Variants in AMDHD1 observed in about 807,000 individuals in gnomAD.
AMDHD1 encodes the protein amidohydrolase domain containing 1.
AMDHD1 carries 45 observed loss-of-function variants against 44.1 expected under a neutral mutation model. The observed-to-expected ratio is 1.02, with a 90% CI of 0.80 to 1.31. The LOEUF (loss-of-function observed/expected upper bound fraction) is 1.31. Ranked by LOEUF, AMDHD1 falls within the 50% of genes most tolerant of loss-of-function variation. The probability of loss-of-function intolerance (pLI) is 0.00; values close to 1 mark genes in which losing one functional copy is unlikely to be tolerated. For synonymous variants in AMDHD1, 206 were observed against 205.0 expected (o/e 1.00, Z -0.04); for missense variants, 586 against 552.1 (o/e 1.06, Z -0.61).
At chr12:95,957,787 T>A (rs1395519750) in intron 4 of AMDHD1, among the ~76,000 whole-genome samples, 1 of 152,234 alleles carries the variant, frequency 6.6e-6, no homozygotes. Flanking sequence ...GCATAGTGGC[T>A]CACACCTGTA....
chr12:95,952,323 T>C lies in AMDHD1; in HGVS notation c.138-394T>C, dbSNP rs367756946. 1.6e-4 allele frequency among the ~76,000 whole-genome samples: 25 copies of C among 152,338 alleles called. No individual in the cohort carries two copies. In the East Asian group the frequency reaches 4.4e-3, roughly 27 times the overall value. On this transcript the variant is annotated intron_variant, in intron 1 of 8. Transcript: ENST00000266736. ...ATTGAAGAGACTGTCTTTTCCCCAATGTACGTTCTTGGCATCTTTGCTGAA... is the reference window on the plus strand; with the variant it reads ...ATTGAAGAGACTGTCTTTTCCCCAACGTACGTTCTTGGCATCTTTGCTGAA...
intron 6 of AMDHD1, 96 bp from the exon 7 acceptor site, chr12:95,965,590 G>T: frequency 1.5e-6 from 1 of 661,386 alleles, no homozygotes; most frequent in East Asian, 2.8e-5. Context: ...TCCAGAATAT[G>T]AAGGCGTTGA....
chr12:95,960,008 A>G (rs1345812774), intron 4 of AMDHD1, among the ~76,000 whole-genome samples: 1 of 152,044 alleles, frequency 6.6e-6, no homozygotes, highest in African/African-American at 2.4e-5. Context: ...GCTGGTCTCA[A>G]ACTCCTGACC....
rs1373182449 is a variant in AMDHD1, at chr12:95,965,728, A to G, written c.981A>G (p.Val327=). Residue 327 remains valine (V), a synonymous_variant, in exon 7 of 9, where the codon GTA becomes GTG. Transcript: ENST00000266736. ...CCAGGAAGATGTTAGATGAAGGAGT[A>G]ATAGTTGCTCTGGGAAGTGATTTCA... is the stretch of plus-strand genomic sequence containing the variant. ...PRARKMLDEG[V]IVALGSDFNP... The G allele has an allele frequency of 5.6e-6, 9 of 1,613,254 alleles. No homozygotes were observed. Among genetic ancestry groups the G allele is most frequent in the Non-Finnish European group, 7.6e-6 (9 of 1,179,778 alleles).
intron 1 of AMDHD1, among the ~76,000 whole-genome samples, chr12:95,945,326 A>G (rs1414973534): frequency 6.6e-6 from 1 of 152,110 alleles, no homozygotes; most frequent in Non-Finnish European, 1.5e-5. Flanking sequence ...AGTTTGTTGG[A>G]TTTATTACAA....
At chr12:95,955,020 G>T (rs780694725) in intron 3 of AMDHD1, 45 bp downstream of exon 3, 1 of 1,587,858 alleles carries the variant, frequency 6.3e-7, no homozygotes, top group South Asian at 1.1e-5. Flanking sequence ...GCACAAATAT[G>T]AAGTCTTTTG....
Position 95,965,761 on chromosome 12 carries a change from T to C in AMDHD1, c.1014T>C (p.Asn338=), listed in dbSNP as rs768685162. Residue 338 remains asparagine, a synonymous_variant, in exon 7 of 9, where the codon AAT becomes AAC. Transcript: ENST00000266736. ...IVALGSDFNP[N]AYCFSMPMVM... ...CTCTGGGAAGTGATTTCAACCCCAA[T>C]GCATATTGCTTTTCAATGGTAATTA... is the stretch of plus-strand genomic sequence containing the variant. 2.5e-6 allele frequency: 4 copies of C among 1,609,644 alleles called. No homozygotes were observed. Among genetic ancestry groups the C allele is most frequent in the Non-Finnish European group, 3.4e-6 (4 of 1,177,904 alleles).
In AMDHD1 at chr12:95,956,886, C is replaced by G; in HGVS notation, c.511C>G (p.Arg171Gly). 2.5e-6 allele frequency: 4 copies of G among 1,613,976 alleles called. No homozygotes were observed. The highest frequency in any genetic ancestry group is 3.4e-6 in the Non-Finnish European group (4 of 1,180,040). The change falls in exon 4 of 9, where the codon CGC becomes GGC. Residue 171 changes from arginine (R) to glycine (G), a missense_variant. By Grantham distance (125) the Arg-to-Gly change is moderately radical. Coordinates refer to ENST00000266736, the MANE Select transcript of AMDHD1 (RefSeq NM_152435.3). The part of the protein sequence containing the change: ...LDLETELKML[R>G]VIERARRELD... ...CCTGGAGACCGAGCTCAAGATGCTG[C>G]GCGTGATTGAGCGCGCCCGGCGGGA...
At chr12:95,944,222 A>T (rs1280017980) in intron 1 of AMDHD1, among the ~76,000 whole-genome samples, 1 of 152,202 alleles carries the variant, frequency 6.6e-6, no homozygotes, top group Non-Finnish European at 1.5e-5. Context: ...CCATGGGACC[A>T]CAATTGCACA....
In AMDHD1 at chr12:95,967,902, A is replaced by C. The variant is rs2080620412; in HGVS notation, c.*59A>C. The C allele has an allele frequency of 1.7e-6, 2 of 1,166,298 alleles. No homozygotes were observed. The highest frequency in any genetic ancestry group is 3.2e-5 in the African/African-American group (2 of 62,876). 72.2% of individuals were successfully genotyped at this position (1,166,298 alleles called of 1,614,324 possible). ...GAAATAAGTCAATATAGTTATATTA[A>C]AAGTTAAAACACCTTAATATTTACA... On this transcript the variant is annotated 3_prime_UTR_variant, in exon 9 of 9. Coordinates refer to ENST00000266736, the MANE Select transcript of AMDHD1 (RefSeq NM_152435.3).
In AMDHD1 at chr12:95,948,984, C is replaced by T. The variant is rs1165333066; in HGVS notation, c.138-3733C>T. On this transcript the variant is annotated intron_variant, in intron 1 of 8. Transcript: ENST00000266736. ...CCCTAATCTCAAGTAATCAGGGACA[C>T]AAACACTGCGGAAGGCCGCAGGGTC... Among the ~76,000 whole-genome samples the T allele has an allele frequency of 1.0e-4, 2 of 19,706 alleles. 1 individual carries two copies. The highest frequency in any genetic ancestry group is 1.6e-4 in the Non-Finnish European group (2 of 12,326). The allele number at this position is 19,706 out of a possible 152,430, so 12.9% of individuals were successfully genotyped here.
At chr12:95,956,097 T>TGTTTC (rs2080547937) in intron 3 of AMDHD1, among the ~76,000 whole-genome samples, 1 of 151,572 alleles carries the variant, frequency 6.6e-6, no homozygotes, top group Admixed American at 6.6e-5. Context: ...GTGCCAGTTT[T>TGTTTC]GTTTTGTTTT....
intron 2 of AMDHD1, among the ~76,000 whole-genome samples, chr12:95,953,534 T>C (rs1386919712): frequency 1.3e-5 from 2 of 152,114 alleles, no homozygotes; most frequent in African/African-American, 4.8e-5. Context: ...TTTTTATACT[T>C]TTAAATATTT....
chr12:95,964,853 G>T (rs989112976), intron 6 of AMDHD1, among the ~76,000 whole-genome samples: 1 of 127,946 alleles, frequency 7.8e-6, no homozygotes, highest in Non-Finnish European at 1.6e-5. Context: ...CCTAATCCAG[G>T]AAGAAGTATA....
chr12:95,954,662 A>AC, intron 2 of AMDHD1, among the ~76,000 whole-genome samples: 1 of 152,154 alleles, frequency 6.6e-6, no homozygotes, highest in East Asian at 1.9e-4. Context: ...GTATTTCTGT[A>AC]AGGGATATTT....
chr12:95,962,226 A>G (rs2080585744), intron 5 of AMDHD1, 129 bp from the exon 6 acceptor site: 1 of 1,330,506 alleles, frequency 7.5e-7, no homozygotes, highest in Non-Finnish European at 1.0e-6. Flanking sequence ...AGATTGCACT[A>G]CTGCACCCAG....
At chr12:95,949,591 A>T (rs1346071103) in intron 1 of AMDHD1, among the ~76,000 whole-genome samples, 1 of 152,108 alleles carries the variant, frequency 6.6e-6, no homozygotes, top group Non-Finnish European at 1.5e-5. Context: ...AGTCACTCAA[A>T]CCCCATCATT....
chr12:95,956,287 T>C (rs2080549170), intron 3 of AMDHD1, among the ~76,000 whole-genome samples: 1 of 152,102 alleles, frequency 6.6e-6, no homozygotes, highest in African/African-American at 2.4e-5. Context: ...TTTTTGTATT[T>C]TTAGTAGAGA....
chr12:95,964,928 C>CAA (rs60076877), intron 6 of AMDHD1, among the ~76,000 whole-genome samples: 379 of 35,192 alleles, frequency 0.011, 30 homozygotes, highest in African/African-American at 0.03. Flanking sequence ...ATGTTTGAGG[C>CAA]AAAAAAAAAA....
Sources: gnomAD v4.1 joint callset for allele counts (sites outside exome capture counted in the v4.1 genomes callset) on GRCh38, gnomAD v4.1.1 for gene constraint, MANE v1.5 for transcripts, NCBI Gene and HGNC (gene_info 2026-07-23, HGNC 2026-07-21) for gene names.